The following CADM2 variants were observed in gnomAD, a reference collection of about 807,000 sequenced individuals.
CADM2 encodes immunoglobulin superfamily member 4D.
A neutral mutation model predicts 49.8 loss-of-function variants in CADM2; 12 were observed. That is an observed-to-expected ratio of 0.24 (90% CI 0.15 to 0.39). CADM2 has a LOEUF of 0.39. CADM2 is among the 10% of genes least tolerant of loss of function. The pLI is 1.00. For synonymous variants in CADM2, 214 were observed against 175.4 expected, an observed-to-expected ratio of 1.22 and a Z score of -1.74; for missense variants, 378 against 492.3, an observed-to-expected ratio of 0.77 and a Z score of 2.20.
chr3:86,021,523 A>G (rs1733181081), intron 8 of CADM2, among the ~76,000 whole-genome samples: 1 of 152,174 alleles, frequency 6.6e-6, no homozygotes, highest in African/African-American at 2.4e-5. Flanking sequence ...AAAGTCTGTG[A>G]AAAATATCTT....
intron 1 of CADM2, among the ~76,000 whole-genome samples, chr3:85,493,299 C>T (rs1029818215): frequency 2.6e-5 from 4 of 152,048 alleles, no homozygotes; most frequent in Admixed American, 1.3e-4. Flanking sequence ...ATATAATTCC[C>T]TATTATTCCC....
intron 1 of CADM2, among the ~76,000 whole-genome samples, chr3:84,982,701 G>GAATATATATA (rs1170935807): frequency 5.8e-5 from 2 of 34,538 alleles, no homozygotes; most frequent in Non-Finnish European, 5.3e-5. Context: ...AAACTATAAA[G>GAATATATATA]CATATATATA....
intron 1 of CADM2, among the ~76,000 whole-genome samples, chr3:85,221,480 A>G (rs2042043204): frequency 6.6e-6 from 1 of 152,152 alleles, no homozygotes; most frequent in Non-Finnish European, 1.5e-5. Flanking sequence ...GATCTAATAG[A>G]GAAACAAACA....
chr3:85,677,331 C>G (rs991192738), intron 1 of CADM2, among the ~76,000 whole-genome samples: 3 of 152,278 alleles, frequency 2.0e-5, no homozygotes, highest in Middle Eastern at 3.4e-3. Flanking sequence ...AGCATTCACT[C>G]ACATCCTCCC....
chr3:86,034,958 A>G (rs1578014553), intron 8 of CADM2, among the ~76,000 whole-genome samples: 2 of 152,026 alleles, frequency 1.3e-5, no homozygotes, highest in East Asian at 3.8e-4. Flanking sequence ...TCTCTCACCT[A>G]GATGACTTCA....
At chr3:85,963,236 G>T (rs949133031) in intron 8 of CADM2, among the ~76,000 whole-genome samples, 2 of 151,920 alleles carry the variant, frequency 1.3e-5, no homozygotes, top group Non-Finnish European at 2.9e-5. Context: ...CTAGAAAATA[G>T]TAGAACTAAC....
At chr3:85,307,542 T>C (rs1027820436) in intron 1 of CADM2, among the ~76,000 whole-genome samples, 1 of 151,810 alleles carries the variant, frequency 6.6e-6, no homozygotes, top group Non-Finnish European at 1.5e-5. Context: ...TTTACAATAA[T>C]TAAATAATTT....
chr3:85,080,641 CTT>C lies in CADM2; in HGVS notation c.61+120975_61+120976del, dbSNP rs2037128308. 2.0e-5 allele frequency among the ~76,000 whole-genome samples: 3 copies of C among 151,984 alleles called. No homozygotes were observed. In the South Asian group the frequency reaches 6.2e-4, roughly 32 times the overall value. ...TCAAAAATCTTCATTTGAGCTCTCT[CTT>C]TATGCTTATGGCATATAAAAAGAGA... is the stretch of plus-strand genomic sequence containing the variant. On this transcript the variant is annotated intron_variant, in intron 1 of 9. Coordinates refer to ENST00000383699, the MANE Select transcript of CADM2 (RefSeq NM_001167675.2).
intron 1 of CADM2, among the ~76,000 whole-genome samples, chr3:85,278,718 T>TTGTGTGTG (rs36208431): frequency 7.6e-5 from 11 of 144,462 alleles, no homozygotes; most frequent in East Asian, 6.1e-4. Context: ...GCTGATGTTC[T>TTGTGTGTG]TGTGTGTGTG....
intron 1 of CADM2, among the ~76,000 whole-genome samples, chr3:85,049,527 CT>C (rs1182876922): frequency 6.6e-6 from 1 of 151,640 alleles, no homozygotes; most frequent in Non-Finnish European, 1.5e-5. Flanking sequence ...TTTCTTTGTA[CT>C]TTTAGTAGAG....
chr3:85,275,586 C>T (rs976136221), intron 1 of CADM2, among the ~76,000 whole-genome samples: 2 of 151,104 alleles, frequency 1.3e-5, no homozygotes, highest in Non-Finnish European at 3.0e-5. Context: ...TGACTTTGAA[C>T]TTCTTGATTA....
At chr3:85,078,691 T>C (rs1420938896) in intron 1 of CADM2, among the ~76,000 whole-genome samples, 1 of 151,842 alleles carries the variant, frequency 6.6e-6, no homozygotes, top group African/African-American at 2.4e-5. Flanking sequence ...TCTTTCTTTT[T>C]TTTTTCTCTT....
chr3:85,219,268 TG>T (rs2041995730), intron 1 of CADM2, among the ~76,000 whole-genome samples: 1 of 152,212 alleles, frequency 6.6e-6, no homozygotes. Context: ...TGTTTTTAGT[TG>T]ATTTGATTTT....
At chr3:85,478,641 A>G (rs1173673961) in intron 1 of CADM2, among the ~76,000 whole-genome samples, 1 of 151,960 alleles carries the variant, frequency 6.6e-6, no homozygotes, top group Non-Finnish European at 1.5e-5. Context: ...CAAGTTTAAT[A>G]AGGGATGAGC....
At position 86,019,980 on chromosome 3, in the gene CADM2, T is replaced by C. The variant is rs559402965; in HGVS notation, c.971-45625T>C. On this transcript the variant is annotated intron_variant, in intron 8 of 9. Transcript: ENST00000383699. ...TCAAAAGCTAGCAGAAGGCAAGAAA[T>C]AACTAAAATCAGAACAGAACTGAAG... Among the ~76,000 whole-genome samples the C allele has an allele frequency of 8.6e-5, 13 of 151,832 alleles. No homozygotes were observed. The East Asian group carries it at 2.5e-3, about 30-fold the overall frequency.
At chr3:85,599,681 T>A in intron 1 of CADM2, among the ~76,000 whole-genome samples, 1 of 100,448 alleles carries the variant, frequency 1.0e-5, no homozygotes, top group East Asian at 1.5e-3. Context: ...TTGAAAAAAA[T>A]TAAAAATTAA....
At chr3:86,002,828 C>T (rs1730346241) in intron 8 of CADM2, among the ~76,000 whole-genome samples, 1 of 152,248 alleles carries the variant, frequency 6.6e-6, no homozygotes, top group African/African-American at 2.4e-5. Context: ...ATGGATACCT[C>T]GTTCTGACCC....
At chr3:85,719,056 G>A (rs1389969398) in intron 1 of CADM2, among the ~76,000 whole-genome samples, 5 of 151,818 alleles carry the variant, frequency 3.3e-5, no homozygotes. Flanking sequence ...GGGATTACAG[G>A]TGCCCGCCAC....
At chr3:85,834,483 T>A (rs1459568546) in intron 3 of CADM2, among the ~76,000 whole-genome samples, 1 of 151,652 alleles carries the variant, frequency 6.6e-6, no homozygotes, top group African/African-American at 2.4e-5. Context: ...ACTTTCTACT[T>A]CCTAATCACA....
Sources: allele counts gnomAD v4.1 joint callset (sites outside exome capture counted in the v4.1 genomes callset), GRCh38; gene constraint gnomAD v4.1.1; transcripts MANE v1.5; gene names NCBI Gene and HGNC (gene_info 2026-07-23, HGNC 2026-07-21).